Variants in ARID1B observed in about 807,000 individuals in gnomAD.
ARID1B encodes the protein AT-rich interactive domain-containing protein 1B.
A neutral mutation model predicts 212.3 loss-of-function variants in ARID1B; 30 were observed. That is an observed-to-expected ratio of 0.14 (90% CI 0.11 to 0.19). The LOEUF (loss-of-function observed/expected upper bound fraction) is 0.19. Among genes scored for constraint, ARID1B ranks in the 10% least tolerant of loss-of-function variants. ARID1B has a pLI of 1.00. For missense variants in ARID1B, 2,891 were observed against 3,204.0 expected (o/e 0.90, Z 2.36); for synonymous variants, 1,402 against 1,301.7 (o/e 1.08, Z -1.66).
At chr6:157,060,390 C>A (rs951304648) in intron 4 of ARID1B, among the ~76,000 whole-genome samples, 2 of 152,060 alleles carry the variant, frequency 1.3e-5, no homozygotes, top group Admixed American at 1.3e-4. Context: ...GCAAAGTAGT[C>A]TCTGTTTGTA....
chr6:156,958,941 G>C lies in ARID1B; in HGVS notation c.2247+23365G>C, dbSNP rs112700735. Among the ~76,000 whole-genome samples the C allele has an allele frequency of 4.5e-3, 683 of 152,274 alleles. 5 individuals carry two copies. The highest frequency in any genetic ancestry group is 0.016 in the African/African-American group (666 of 41,536). Reference sequence around the variant, plus strand: ...TTCTTTCGATCTGGTCATTACCTGGGATTTTCAGTTAAGTGAAATCATTAA... The same window carrying C: ...TTCTTTCGATCTGGTCATTACCTGGCATTTTCAGTTAAGTGAAATCATTAA... On this transcript the variant is annotated intron_variant, in intron 4 of 19. Coordinates refer to ENST00000636930, the MANE Select transcript of ARID1B (RefSeq NM_001374828.1).
intron 4 of ARID1B, among the ~76,000 whole-genome samples, chr6:157,010,608 CCATG>C (rs1779539383): frequency 6.7e-6 from 1 of 150,104 alleles, no homozygotes. Context: ...GCGTGAGCCA[CCATG>C]CCCGGCCTGT....
chr6:157,058,266 C>CT (rs767176770), intron 4 of ARID1B, among the ~76,000 whole-genome samples: 9,458 of 137,320 alleles, frequency 0.069, 527 homozygotes, highest in African/African-American at 0.16. Flanking sequence ...TTATCTTGGT[C>CT]TTTTTTTTTT....
intron 4 of ARID1B, among the ~76,000 whole-genome samples, chr6:157,061,986 T>A (rs1783371026): frequency 6.6e-6 from 1 of 152,082 alleles, no homozygotes; most frequent in Non-Finnish European, 1.5e-5. Context: ...AACCACTGAG[T>A]TTGCAGTGGG....
At chr6:156,858,932 G>A (rs1020610166) in intron 2 of ARID1B, among the ~76,000 whole-genome samples, 3 of 152,140 alleles carry the variant, frequency 2.0e-5, no homozygotes, top group African/African-American at 4.8e-5. Flanking sequence ...TGCACTGAGC[G>A]AGTCAGTGAG....
At chr6:157,112,027 A>G (rs1786962981) in intron 6 of ARID1B, among the ~76,000 whole-genome samples, 1 of 152,126 alleles carries the variant, frequency 6.6e-6, no homozygotes. Flanking sequence ...CTGCCTTCTA[A>G]TAGTACAATA....
At chr6:156,996,556 C>A (rs1778603260) in intron 4 of ARID1B, among the ~76,000 whole-genome samples, 1 of 152,008 alleles carries the variant, frequency 6.6e-6, no homozygotes, top group Admixed American at 6.6e-5. Flanking sequence ...GTTATGGAAA[C>A]CAAAAATAAG....
chr6:157,082,544 T>G (rs1441156001), intron 4 of ARID1B, among the ~76,000 whole-genome samples: 1 of 152,206 alleles, frequency 6.6e-6, no homozygotes, highest in Non-Finnish European at 1.5e-5. Context: ...TTAATTTTAT[T>G]TTGGATTTTT....
intron 1 of ARID1B, among the ~76,000 whole-genome samples, chr6:156,817,519 A>G (rs1436987095): frequency 1.3e-5 from 2 of 150,586 alleles, no homozygotes; most frequent in Non-Finnish European, 3.0e-5. Flanking sequence ...GGTCCCAGCT[A>G]TGTGGGAGGC....
Position 157,203,774 on chromosome 6 carries a change from C to T in ARID1B, c.5264-92C>T, listed in dbSNP as rs1794266906. On this transcript the variant is annotated intron_variant, in intron 18 of 19. Coordinates refer to ENST00000636930, the MANE Select transcript of ARID1B (RefSeq NM_001374828.1). This position sits in a 1 kb window ranked among gnomAD's most constrained non-coding sequence, Gnocchi z 4.4. The stretch of plus-strand genomic sequence containing the variant: ...TTTAAAGTCAATATTTAACTTAACA[C>T]TCCACTTATTTTTTCTTACTCTTTC... The T allele has an allele frequency of 1.4e-6, 2 of 1,469,588 alleles. No homozygotes were observed. Among genetic ancestry groups the T allele is most frequent in the Admixed American group, 1.7e-5 (1 of 57,820 alleles). The allele number at this position is 1,469,588 out of a possible 1,614,324, so 91.0% of individuals were successfully genotyped here.
At position 156,778,900 on chromosome 6, in the gene ARID1B, GAGGAGGAGGAGGAGC is replaced by G; in HGVS notation, c.1226_1240del (p.Gly409_Gly413del). 2 of 1,370,004 alleles carry G rather than the reference GAGGAGGAGGAGGAGC, an allele frequency of 1.5e-6. No individual in the cohort carries two copies. The highest frequency in any genetic ancestry group is 1.9e-6 in the Non-Finnish European group (2 of 1,063,570). 84.9% of individuals were successfully genotyped at this position (1,370,004 alleles called of 1,614,324 possible). A position where few individuals can be genotyped will look rare whatever the true frequency, so the allele number is the denominator to read the frequency against. The stretch of plus-strand genomic sequence containing the variant: ...GGAGGAGGAGGCAGCGGAGGAGGAG[GAGGAGGAGGAGGAGC>G]AGGAGCAGGAGGAGCAGGAGCGGGA... On this transcript the variant is annotated inframe_deletion, in exon 1 of 20. Transcript: ENST00000636930.
chr6:157,120,911 G>C (rs1358664344), intron 6 of ARID1B, among the ~76,000 whole-genome samples: 1 of 152,188 alleles, frequency 6.6e-6, no homozygotes, highest in Non-Finnish European at 1.5e-5. Context: ...TTGATTTTGT[G>C]CTTTCCTGCA....
chr6:157,187,968 A>G (rs1241727584), intron 13 of ARID1B, among the ~76,000 whole-genome samples: 1 of 152,170 alleles, frequency 6.6e-6, no homozygotes, highest in African/African-American at 2.4e-5. Context: ...TGTCTGCAGG[A>G]TTATTACCCT....
chr6:156,911,876 A>G (rs71578589), intron 3 of ARID1B, among the ~76,000 whole-genome samples: 3 of 152,340 alleles, frequency 2.0e-5, no homozygotes, highest in Non-Finnish European at 4.4e-5. Context: ...TGACCACACA[A>G]CAGTAATTAT....
chr6:156,971,553 G>A (rs373214493), intron 4 of ARID1B, among the ~76,000 whole-genome samples: 2 of 152,292 alleles, frequency 1.3e-5, no homozygotes, highest in South Asian at 4.1e-4. Flanking sequence ...AACAACATCT[G>A]TGTATTATTT....
intron 1 of ARID1B, among the ~76,000 whole-genome samples, chr6:156,823,832 A>T (rs938276324): frequency 6.6e-6 from 1 of 152,092 alleles, no homozygotes; most frequent in African/African-American, 2.4e-5. Context: ...ATACAATTAG[A>T]TATCTTTTAC....
intron 4 of ARID1B, among the ~76,000 whole-genome samples, chr6:156,996,659 A>C (rs898325808): frequency 1.2e-4 from 18 of 152,184 alleles, no homozygotes; most frequent in African/African-American, 4.1e-4. Flanking sequence ...CTTGTGCTGC[A>C]TTTTGGGTTT....
At chr6:156,927,280 A>G (rs1457414574) in intron 3 of ARID1B, among the ~76,000 whole-genome samples, 1 of 151,428 alleles carries the variant, frequency 6.6e-6, no homozygotes, top group African/African-American at 2.4e-5. Flanking sequence ...CTCACTTTTC[A>G]TTTTTTTCTG....
At chr6:157,118,309 A>G (rs1021438211) in intron 6 of ARID1B, among the ~76,000 whole-genome samples, 4 of 152,226 alleles carry the variant, frequency 2.6e-5, no homozygotes, top group African/African-American at 9.6e-5. Context: ...TGTAAGTGTG[A>G]CAGTAGATCT....
Sources: gnomAD v4.1 joint callset for allele counts (sites outside exome capture counted in the v4.1 genomes callset) on GRCh38, gnomAD v4.1.1 for gene constraint, Gnocchi (gnomAD v3.1) non-coding constraint, MANE v1.5 for transcripts, NCBI Gene and HGNC (gene_info 2026-07-23, HGNC 2026-07-21) for gene names.